Variants in GEMIN8 observed in about 807,000 individuals in gnomAD.
GEMIN8 encodes gem nuclear organelle associated protein 8.
For synonymous variants in GEMIN8, 80 were observed against 78.5 expected (o/e 1.02, Z -0.10); for missense variants, 185 against 205.9 (o/e 0.90, Z 0.62).
rs1923195068 is a variant in GEMIN8 at position 14,006,925 on chromosome X, A to T, written c.*1988T>A. On this transcript the variant is annotated 3_prime_UTR_variant, in exon 5 of 5. Coordinates refer to ENST00000680255, the MANE Select transcript of GEMIN8 (RefSeq NM_001042479.2). ...GTGAGACCGGCATGGTGATTTCTTT[A>T]GGGGAGGGTATAAGAGTCCTTTGCG... Among the ~76,000 whole-genome samples, 1 of 111,836 alleles carries T rather than the reference A, an allele frequency of 8.9e-6. No homozygotes were observed. Among genetic ancestry groups the T allele is most frequent in the Admixed American group, 9.5e-5 (1 of 10,499 alleles).
chrX:14,009,277 A>G, intron 4 of GEMIN8, 108 bp from the exon 5 acceptor site: 1 of 777,224 alleles, frequency 1.3e-6, no homozygotes, highest in Non-Finnish European at 1.9e-6. Context: ...CAGCCCCCTA[A>G]GGTCCCTCAT....
rs1343938502 is a variant in GEMIN8 at position 14,020,332 on chromosome X, G to A, written c.218C>T (p.Pro73Leu). The A allele has an allele frequency of 1.7e-6, 2 of 1,207,118 alleles. No individual in the cohort carries two copies. The highest frequency in any genetic ancestry group is 5.9e-5 in the East Asian group (2 of 33,787). Residue 73 changes from proline to leucine, a missense_variant, in exon 4 of 5, where the codon CCT becomes CTT. By Grantham distance (98) the Pro-to-Leu change is moderately conservative. Transcript: ENST00000680255. ...CACATGATGGTCATAGAAGGACTGA[G>A]GATACGCAGCCTCATTATCGTAAGA... Reference protein sequence around the residue: ...QSSYDNEAAYPQSFYDHHVAW... With the variant: ...QSSYDNEAAYLQSFYDHHVAW...
chrX:14,024,521 A>AC (rs1924569357), intron 2 of GEMIN8, among the ~76,000 whole-genome samples: 2 of 110,323 alleles, frequency 1.8e-5, no homozygotes, highest in South Asian at 7.9e-4. Context: ...AAAAACAAAA[A>AC]AAAAAAGAAG....
chrX:14,005,460 C>G (rs1484489200), downstream of GEMIN8, among the ~76,000 whole-genome samples: 2 of 111,758 alleles, frequency 1.8e-5, no homozygotes, highest in Non-Finnish European at 3.8e-5. Context: ...GCTGCGTGCT[C>G]AGAGAGACAA....
At chrX:14,000,884 C>T in the GEMIN8 span, among the ~76,000 whole-genome samples, 7 of 111,059 alleles carry the variant, frequency 6.3e-5, no homozygotes, top group East Asian at 1.7e-3. Context: ...GACATGCCGC[C>T]GTCCTTTTAT....
chrX:14,004,421 A>G (rs755524750), downstream of GEMIN8, among the ~76,000 whole-genome samples: 12 of 112,229 alleles, frequency 1.1e-4, no homozygotes, highest in African/African-American at 3.9e-4. Context: ...TTGGGCATAT[A>G]CCTGAGAGTA....
intron 1 of GEMIN8, 92 bp from the exon 2 acceptor site, chrX:14,026,313 T>C: frequency 4.0e-6 from 3 of 751,489 alleles, no homozygotes; most frequent in South Asian, 6.8e-5. Flanking sequence ...AATGGCATAA[T>C]GGCCACCACC....
At chrX:14,006,164 G>A (rs1367782051), downstream of GEMIN8, among the ~76,000 whole-genome samples, 5 of 109,963 alleles carry the variant, frequency 4.5e-5, no homozygotes, top group Non-Finnish European at 9.5e-5. Flanking sequence ...GAGTAGCTGG[G>A]ACTATAGGTG....
chrX:14,013,788 GT>G (rs58567489), intron 4 of GEMIN8: 32,123 of 108,809 alleles, frequency 0.3, 3,428 homozygotes, highest in African/African-American at 0.33. Context: ...GAATAAATCT[GT>G]TTTTTTTTTT....
At chrX:13,997,550 G>A in the GEMIN8 span, among the ~76,000 whole-genome samples, 1 of 111,711 alleles carries the variant, frequency 9.0e-6, no homozygotes, top group Non-Finnish European at 1.9e-5. Context: ...TTGGGGACGA[G>A]TTGTTATGTA....
At chrX:14,018,038 T>C (rs1411192225) in intron 4 of GEMIN8, among the ~76,000 whole-genome samples, 1 of 112,652 alleles carries the variant, frequency 8.9e-6, no homozygotes, top group Non-Finnish European at 1.9e-5. Context: ...TTCTGTAAAA[T>C]GTCCCACAGA....
the GEMIN8 span, among the ~76,000 whole-genome samples, chrX:13,989,273 T>A: frequency 9.1e-6 from 1 of 110,301 alleles, no homozygotes; most frequent in East Asian, 2.9e-4. Flanking sequence ...ATTTAAATTT[T>A]TTTTTTTTTG....
rs1923266492 is a variant in GEMIN8, at chrX:14,008,074, G to T, written c.*839C>A. ...AGCTCACTGCAACCTCTGCCTCCTG[G>T]GTTCAAGCAATTCCCCTGCCTCAGT... On this transcript the variant is annotated 3_prime_UTR_variant, in exon 5 of 5. Transcript: ENST00000680255. 9.1e-6 allele frequency among the ~76,000 whole-genome samples: 1 copy of T among 109,976 alleles called. No homozygotes were observed. The highest frequency in any genetic ancestry group is 1.9e-5 in the Non-Finnish European group (1 of 52,717).
chrX:13,988,202 G>A, the GEMIN8 span, among the ~76,000 whole-genome samples: 4 of 111,146 alleles, frequency 3.6e-5, no homozygotes, highest in South Asian at 3.8e-4. Context: ...GGTGGGATGC[G>A]GGCGTAGCAA....
chrX:14,009,479 G>T (rs1363433324), intron 4 of GEMIN8, among the ~76,000 whole-genome samples: 2 of 111,333 alleles, frequency 1.8e-5, no homozygotes, highest in African/African-American at 6.5e-5. Context: ...GATGGCTTGA[G>T]CCCAGGGGGC....
At chrX:13,997,230 G>A in the GEMIN8 span, among the ~76,000 whole-genome samples, 3 of 111,270 alleles carry the variant, frequency 2.7e-5, no homozygotes, top group Non-Finnish European at 3.8e-5. Flanking sequence ...ATGAGCCACC[G>A]TGCCCGGCTG....
At chrX:14,016,878 T>A (rs1339325727) in intron 4 of GEMIN8, among the ~76,000 whole-genome samples, 2 of 90,147 alleles carry the variant, frequency 2.2e-5, no homozygotes, top group African/African-American at 8.3e-5. Context: ...TATATATATA[T>A]ATATATATAT....
At chrX:14,015,992 A>AG (rs149615378) in intron 4 of GEMIN8, among the ~76,000 whole-genome samples, 37,194 of 111,264 alleles carry the variant, frequency 0.33, 4,622 homozygotes, top group African/African-American at 0.43. Flanking sequence ...TACCGCTTGA[A>AG]GAACAGTTGT....
At chrX:13,991,524 T>C in the GEMIN8 span, among the ~76,000 whole-genome samples, 10 of 111,484 alleles carry the variant, frequency 9.0e-5, no homozygotes, top group Admixed American at 8.6e-4. Flanking sequence ...TCTGTCTTCT[T>C]GTCTATTAGG....
Sources: gnomAD v4.1 joint callset for allele counts (sites outside exome capture counted in the v4.1 genomes callset) on GRCh38, gnomAD v4.1.1 for gene constraint, MANE v1.5 for transcripts, NCBI Gene and HGNC (gene_info 2026-07-23, HGNC 2026-07-21) for gene names.